The following ADCY2 variants were observed in gnomAD, a reference collection of about 807,000 sequenced individuals.
The protein encoded by ADCY2 is adenylate cyclase type 2.
In ADCY2, 31 loss-of-function variants were observed where a neutral mutation model predicts 125.2. The ratio of observed to expected loss-of-function variants is 0.25; its 90% CI spans 0.19 to 0.33. ADCY2 has a LOEUF of 0.33. Among genes scored for constraint, ADCY2 ranks in the 10% least tolerant of loss-of-function variants. The pLI, the probability that ADCY2 is intolerant of heterozygous loss-of-function variation, is 1.00. For synonymous variants in ADCY2, 512 were observed against 548.4 expected, an observed-to-expected ratio of 0.93 and a Z score of 0.93; for missense variants, 904 against 1,418.2, an observed-to-expected ratio of 0.64 and a Z score of 5.82.
At chr5:7,564,317 T>G (rs1735818739) in intron 3 of ADCY2, among the ~76,000 whole-genome samples, 1 of 152,196 alleles carries the variant, frequency 6.6e-6, no homozygotes, top group Admixed American at 6.5e-5. Flanking sequence ...CTTCTTATTG[T>G]AATGAGGGAT....
At chr5:7,474,786 A>G (rs1742458982) in intron 2 of ADCY2, among the ~76,000 whole-genome samples, 2 of 152,238 alleles carry the variant, frequency 1.3e-5, no homozygotes, top group Non-Finnish European at 2.9e-5. Context: ...TTCACATATC[A>G]ACTGGGATCC....
chr5:7,614,722 G>C (rs549065827), intron 3 of ADCY2, among the ~76,000 whole-genome samples: 143 of 152,270 alleles, frequency 9.4e-4, no homozygotes, highest in African/African-American at 3.3e-3. Context: ...ATGGCCAGGG[G>C]ACTGCAGGGC....
chr5:7,762,994 T>A (rs1476790580), intron 16 of ADCY2, among the ~76,000 whole-genome samples: 1 of 84 alleles, frequency 0.012, no homozygotes, highest in African/African-American at 0.015. Context: ...GCACCTATGA[T>A]TTTTTTTAAG....
intron 15 of ADCY2, among the ~76,000 whole-genome samples, chr5:7,745,523 G>A (rs1055518752): frequency 3.3e-5 from 5 of 152,202 alleles, no homozygotes; most frequent in African/African-American, 7.2e-5. Flanking sequence ...AATCCACTCC[G>A]AAAGGCCCTG....
intron 3 of ADCY2, among the ~76,000 whole-genome samples, chr5:7,531,041 C>T (rs1388507332): frequency 6.6e-6 from 1 of 152,130 alleles, no homozygotes. Context: ...CTGATGAGTG[C>T]AGTTAGAAAG....
chr5:7,509,121 T>C (rs995254596), intron 2 of ADCY2, among the ~76,000 whole-genome samples: 1 of 152,172 alleles, frequency 6.6e-6, no homozygotes, highest in African/African-American at 2.4e-5. Flanking sequence ...AGTTTGGAAA[T>C]AGGGCTTCAC....
chr5:7,668,511 G>A (rs1324301807), intron 4 of ADCY2, among the ~76,000 whole-genome samples: 1 of 152,128 alleles, frequency 6.6e-6, no homozygotes, highest in Non-Finnish European at 1.5e-5. Context: ...ATACACATGG[G>A]TACTTCAGAG....
chr5:7,724,822 T>G (rs1741884347), intron 13 of ADCY2, among the ~76,000 whole-genome samples: 2 of 152,168 alleles, frequency 1.3e-5, no homozygotes, highest in African/African-American at 4.8e-5. Context: ...TCAGTTACCA[T>G]TCTCAACCCT....
At chr5:7,569,856 T>G (rs1469139643) in intron 3 of ADCY2, among the ~76,000 whole-genome samples, 1 of 152,146 alleles carries the variant, frequency 6.6e-6, no homozygotes, top group Admixed American at 6.6e-5. Context: ...GAATCTCAAC[T>G]TAATTTAGCT....
At position 7,677,645 on chromosome 5, in the gene ADCY2, C is replaced by T. The variant is rs114158095; in HGVS notation, c.721-13046C>T. On this transcript the variant is annotated intron_variant, in intron 4 of 24. Transcript: ENST00000338316. ...TGGCCAGCAGCAATGGCCAGAAAGACATGTCACTGGGGCCAGCTTGTAGGG... is the reference window on the plus strand; with the variant it reads ...TGGCCAGCAGCAATGGCCAGAAAGATATGTCACTGGGGCCAGCTTGTAGGG... 9.7e-3 allele frequency among the ~76,000 whole-genome samples: 1,481 copies of T among 152,298 alleles called. 27 individuals carry two copies. Among genetic ancestry groups the T allele is most frequent in the African/African-American group, 0.033 (1,385 of 41,560 alleles).
chr5:7,464,444 G>T (rs1347675810), intron 2 of ADCY2, among the ~76,000 whole-genome samples: 1 of 152,150 alleles, frequency 6.6e-6, no homozygotes, highest in African/African-American at 2.4e-5. Context: ...CTGACCTACG[G>T]CAATGTCACA....
At chr5:7,663,082 G>C (rs1739587614) in intron 4 of ADCY2, among the ~76,000 whole-genome samples, 1 of 152,202 alleles carries the variant, frequency 6.6e-6, no homozygotes, top group African/African-American at 2.4e-5. Context: ...AAATCCAGCA[G>C]TCCAGATCAA....
intron 18 of ADCY2, among the ~76,000 whole-genome samples, chr5:7,783,125 A>G (rs1329321148): frequency 1.3e-5 from 2 of 152,172 alleles, no homozygotes; most frequent in African/African-American, 2.4e-5. Flanking sequence ...TCCTGCAGGA[A>G]TCCACCTTTT....
chr5:7,777,650 G>T (rs535520816), intron 18 of ADCY2, among the ~76,000 whole-genome samples: 1 of 152,192 alleles, frequency 6.6e-6, no homozygotes, highest in Admixed American at 6.5e-5. Flanking sequence ...ATGTGACTTC[G>T]TCATGGCTCC....
chr5:7,575,599 T>C (rs1736221156), intron 3 of ADCY2, among the ~76,000 whole-genome samples: 1 of 152,042 alleles, frequency 6.6e-6, no homozygotes, highest in African/African-American at 2.4e-5. Flanking sequence ...TAGGACTTCC[T>C]CGGTCCTAAA....
At chr5:7,690,037 C>T (rs924542521) in intron 4 of ADCY2, among the ~76,000 whole-genome samples, 2 of 152,092 alleles carry the variant, frequency 1.3e-5, no homozygotes, top group African/African-American at 4.8e-5. Flanking sequence ...TTTATTGTTT[C>T]CTGGACTTAC....
rs1579488642 is a variant in ADCY2, at chr5:7,828,567, C to CA, written c.*1697dup. 1 of 152,336 alleles carries CA rather than the reference C, an allele frequency of 6.6e-6. No homozygotes were observed. The highest frequency in any genetic ancestry group is 2.4e-5 in the African/African-American group (1 of 41,438). The allele number at this position is 152,336 out of a possible 1,614,324, so 9.4% of individuals were successfully genotyped here. A position where few individuals can be genotyped will look rare whatever the true frequency, so the allele number is the denominator to read the frequency against. On this transcript the variant is annotated 3_prime_UTR_variant, in exon 25 of 25. Coordinates refer to ENST00000338316, the MANE Select transcript of ADCY2 (RefSeq NM_020546.3). The stretch of plus-strand genomic sequence containing the variant: ...ATCGAAGCTGATAACCGTCCTTCAT[C>CA]ACCGAAGTGTGAGTAGAGCATGACT...
intron 4 of ADCY2, among the ~76,000 whole-genome samples, chr5:7,671,919 T>A (rs953648559): frequency 1.3e-5 from 2 of 152,142 alleles, no homozygotes; most frequent in Non-Finnish European, 2.9e-5. Context: ...CCCGGAAGGT[T>A]AGGGAGTGAC....
chr5:7,585,029 A>G (rs975494881), intron 3 of ADCY2, among the ~76,000 whole-genome samples: 4 of 152,334 alleles, frequency 2.6e-5, no homozygotes, highest in Admixed American at 2.6e-4. Flanking sequence ...TATTTGATTT[A>G]TGAAAAAGTA....
Sources: gnomAD v4.1 joint callset for allele counts (sites outside exome capture counted in the v4.1 genomes callset) on GRCh38, gnomAD v4.1.1 for gene constraint, MANE v1.5 for transcripts, NCBI Gene and HGNC (gene_info 2026-07-23, HGNC 2026-07-21) for gene names.